MAP2K7: variants seen among roughly 807,000 people sequenced by gnomAD.
MAP2K7 encodes mitogen-activated protein kinase kinase 7.
A neutral mutation model predicts 47.7 loss-of-function variants in MAP2K7; 12 were observed. The observed-to-expected ratio is 0.25, with a 90% CI of 0.16 to 0.41. The LOEUF is 0.41. Ranked by LOEUF, MAP2K7 falls within the 10% of genes least tolerant of loss-of-function variation. The probability of loss-of-function intolerance (pLI) is 1.00; values close to 1 mark genes in which losing one functional copy is unlikely to be tolerated. For missense variants in MAP2K7, 415 were observed against 600.3 expected (o/e 0.69, Z 3.23); for synonymous variants, 299 against 243.0 (o/e 1.23, Z -2.14).
At chr19:7,909,920 T>G in intron 2 of MAP2K7, 24 bp downstream of exon 2, 1 of 1,503,208 alleles carries the variant, frequency 6.7e-7, no homozygotes, top group Non-Finnish European at 8.9e-7. Flanking sequence ...CCAGCAGGGT[T>G]GGGTGGGAAG....
At chr19:7,905,996 A>C (rs1254377142) in intron 1 of MAP2K7, 20 of 729,566 alleles carry the variant, frequency 2.7e-5, no homozygotes, top group South Asian at 6.5e-5. Context: ...TTTCTCTCTC[A>C]CTCCACTCAA....
rs1200679519 is a variant in MAP2K7, at chr19:7,912,750, G to T, written c.*319G>T. On this transcript the variant is annotated 3_prime_UTR_variant, in exon 11 of 11. Coordinates refer to ENST00000397979, the MANE Select transcript of MAP2K7 (RefSeq NM_145185.4). ...GGCGGCCCCCAGGGGCCAGGAGAGA[G>T]CCCTGGAGTCCCGCAGCCACCATGC... is the stretch of plus-strand genomic sequence containing the variant. The T allele has an allele frequency of 2.4e-6, 1 of 409,186 alleles. No individual in the cohort carries two copies. Among genetic ancestry groups the T allele is most frequent in the Non-Finnish European group, 4.5e-6 (1 of 223,554 alleles). The allele number at this position is 409,186 out of a possible 1,614,324, so 25.3% of individuals were successfully genotyped here.
intron 4 of MAP2K7, 23 bp downstream of exon 4, chr19:7,910,396 G>A: frequency 6.2e-7 from 1 of 1,606,732 alleles, no homozygotes; most frequent in Non-Finnish European, 8.5e-7. Flanking sequence ...GGCTACCCCG[G>A]CTGCGCCCCA....
chr19:7,911,042 C>G lies in MAP2K7; in HGVS notation c.738C>G (p.Pro246=), dbSNP rs762319698. 3.7e-6 allele frequency: 6 copies of G among 1,612,844 alleles called. No individual in the cohort carries two copies. The highest frequency in any genetic ancestry group is 5.1e-6 in the Non-Finnish European group (6 of 1,179,910). The part of the protein sequence containing the change: ...KHGVIHRDVK[P]SNILLDERGQ... The stretch of plus-strand genomic sequence containing the variant: ...GTGTCATCCACCGCGACGTCAAGCC[C>G]TCCAACATCCTGCTGGACGAGCGGG... The change falls in exon 7 of 11, where the codon CCC becomes CCG. Residue 246 remains proline (P), a synonymous_variant. Coordinates refer to ENST00000397979, the MANE Select transcript of MAP2K7 (RefSeq NM_145185.4).
chr19:7,912,048 T>C (rs1336305016), intron 9 of MAP2K7, 101 bp from the exon 10 acceptor site: 9 of 1,104,952 alleles, frequency 8.1e-6, no homozygotes, highest in African/African-American at 4.6e-5. Context: ...CACACACATC[T>C]TGGGGACCCC....
rs1982995996 is a variant in MAP2K7 at position 7,912,786 on chromosome 19, C to T, written c.*355C>T. On this transcript the variant is annotated 3_prime_UTR_variant, in exon 11 of 11. Transcript: ENST00000397979. The stretch of plus-strand genomic sequence containing the variant: ...CCGCAGCCACCATGCACGCTCCCAG[C>T]GTGCTGTGTCCTTCGCCACTCCCAC... 3 of 307,218 alleles carry T rather than the reference C, an allele frequency of 9.8e-6. No individual in the cohort carries two copies. Among genetic ancestry groups the T allele is most frequent in the Admixed American group, 4.8e-5 (1 of 20,806 alleles). The allele number at this position is 307,218 out of a possible 1,614,324, so 19.0% of individuals were successfully genotyped here. A position where few individuals can be genotyped will look rare whatever the true frequency, so the allele number is the denominator to read the frequency against.
rs888575398 is a variant in MAP2K7 at position 7,911,244 on chromosome 19, C to G, written c.856-6C>G. 1.2e-6 allele frequency: 2 copies of G among 1,611,392 alleles called. No homozygotes were observed. Among genetic ancestry groups the G allele is most frequent in the African/African-American group, 1.3e-5 (1 of 74,848 alleles). The stretch of plus-strand genomic sequence containing the variant: ...GGAGATACGTCTTCTCCTCCCCCCC[C>G]TGCAGCCCGAGCGCATTGACCCCCC... On this transcript the variant is annotated splice_polypyrimidine_tract_variant and splice_region_variant and intron_variant, in intron 7 of 10. Transcript: ENST00000397979.
intron 1 of MAP2K7, among the ~76,000 whole-genome samples, chr19:7,905,537 C>T (rs115616231): frequency 0.016 from 2,482 of 152,222 alleles, 59 homozygotes; most frequent in African/African-American, 0.056. Context: ...TCCAGGATCC[C>T]GGGTGCCTTC....
At chr19:7,909,284 C>T (rs946197790) in intron 1 of MAP2K7, among the ~76,000 whole-genome samples, 3 of 152,238 alleles carry the variant, frequency 2.0e-5, no homozygotes, top group Non-Finnish European at 4.4e-5. Flanking sequence ...CCTGCTCGCT[C>T]TTGTCTGGGA....
Position 7,909,912 on chromosome 19 carries a change from A to G in MAP2K7, c.266+16A>G. 6.6e-7 allele frequency: 1 copy of G among 1,507,068 alleles called. No individual in the cohort carries two copies. The highest frequency in any genetic ancestry group is 8.9e-7 in the Non-Finnish European group (1 of 1,123,950). 93.4% of individuals were successfully genotyped at this position (1,507,068 alleles called of 1,614,324 possible). A position where few individuals can be genotyped will look rare whatever the true frequency, so the allele number is the denominator to read the frequency against. On this transcript the variant is annotated intron_variant, in intron 2 of 10. Coordinates refer to ENST00000397979, the MANE Select transcript of MAP2K7 (RefSeq NM_145185.4). ...GCATGGAGAGGTGAGCCAGGGGCCC[A>G]GCAGGGTTGGGTGGGAAGCAGCATT...
intron 10 of MAP2K7, 47 bp from the exon 11 acceptor site, chr19:7,912,250 G>A (rs951834604): frequency 1.2e-6 from 2 of 1,613,528 alleles, no homozygotes; most frequent in African/African-American, 2.7e-5. Flanking sequence ...CGCGAGGCCA[G>A]GAGGGAAGAC....
In MAP2K7 at chr19:7,910,340, C is replaced by T. The variant is rs770005717; in HGVS notation, c.414C>T (p.Arg138=). The change falls in exon 4 of 11, where the codon CGC becomes CGT. Residue 138 remains arginine, a synonymous_variant. Transcript: ENST00000397979. ...CCTGCGGCCAGGTGTGGAAGATGCG[C>T]TTCCGGAAGACCGGCCACGTCATTG... The part of the protein sequence containing the change: ...SGTCGQVWKM[R]FRKTGHVIAV... 8.7e-6 allele frequency: 14 copies of T among 1,613,040 alleles called. No homozygotes were observed. In the African/African-American group the frequency reaches 1.5e-4, roughly 17 times the overall value.
intron 1 of MAP2K7, chr19:7,904,648 G>T: frequency 6.1e-6 from 1 of 164,502 alleles, no homozygotes; most frequent in South Asian, 9.2e-5. Flanking sequence ...GACGGGAGGG[G>T]GTCCCTTCTC....
Position 7,903,941 on chromosome 19 carries a change from G to T in MAP2K7, c.-4G>T. The T allele has an allele frequency of 6.6e-7, 1 of 1,524,596 alleles. No homozygotes were observed. The highest frequency in any genetic ancestry group is 1.2e-5 in the South Asian group (1 of 82,656). 94.4% of individuals were successfully genotyped at this position (1,524,596 alleles called of 1,614,324 possible). On this transcript the variant is annotated 5_prime_UTR_variant, in exon 1 of 11. Transcript: ENST00000397979. ...GGTGCGCGGCGGCGGTGGCGGCGGG[G>T]AAGATGGCGGCGTCCTCCCTGGAAC... is the stretch of plus-strand genomic sequence containing the variant.
rs1397767429 is a variant in MAP2K7, at chr19:7,910,800, G to A, written c.672G>A (p.Val224=). ...IPERILGKMT[V]AIVKALYYLK... ...AGCGCATTCTGGGCAAGATGACAGT[G>A]GCGGTGAGTGACCAGGCGGGGCTTG... Residue 224 remains valine (V), a synonymous_variant, in exon 6 of 11, where the codon GTG becomes GTA. Transcript: ENST00000397979. 1 of 1,587,460 alleles carries A rather than the reference G, an allele frequency of 6.3e-7. No individual in the cohort carries two copies. Among genetic ancestry groups the A allele is most frequent in the East Asian group, 2.2e-5 (1 of 44,644 alleles).
intron 4 of MAP2K7, 21 bp from the exon 5 acceptor site, chr19:7,910,432 C>G: frequency 6.2e-7 from 1 of 1,603,506 alleles, no homozygotes; most frequent in Non-Finnish European, 8.5e-7. Flanking sequence ...CTGAGGCTCC[C>G]TCCTGTCCCT....
Position 7,910,969 on chromosome 19 carries a change from C to T in MAP2K7, c.676-11C>T, listed in dbSNP as rs761220799. 224 of 1,602,414 alleles carry T rather than the reference C, an allele frequency of 1.4e-4. 1 individual carries two copies. In the Admixed American group the frequency reaches 3.3e-3, roughly 24 times the overall value. ...CCCCTGCCACATGCACCCCCCTCTG[C>T]GTGCCTGCAGATTGTGAAGGCGCTG... On this transcript the variant is annotated splice_polypyrimidine_tract_variant and intron_variant, in intron 6 of 10. Transcript: ENST00000397979.
chr19:7,905,495 CCT>C (rs1982387765), intron 1 of MAP2K7, among the ~76,000 whole-genome samples: 2 of 152,326 alleles, frequency 1.3e-5, no homozygotes, highest in South Asian at 4.1e-4. Flanking sequence ...GGCCGCCCTC[CCT>C]GGCCCCTGAG....
chr19:7,907,531 T>A (rs1392921406), intron 1 of MAP2K7, among the ~76,000 whole-genome samples: 1 of 152,194 alleles, frequency 6.6e-6, no homozygotes, highest in Non-Finnish European at 1.5e-5. Flanking sequence ...ACCCTCTTGC[T>A]CTCACTCCAC....
Sources: allele counts gnomAD v4.1 joint callset (sites outside exome capture counted in the v4.1 genomes callset), GRCh38; gene constraint gnomAD v4.1.1; transcripts MANE v1.5; gene names NCBI Gene and HGNC (gene_info 2026-07-23, HGNC 2026-07-21).